SEPTIN14: variants seen among roughly 807,000 people sequenced by gnomAD.
SEPTIN14 encodes septin 14.
In SEPTIN14, 40 loss-of-function variants were observed where a neutral mutation model predicts 53.6. The observed-to-expected ratio is 0.75, with a 90% CI of 0.58 to 0.97. SEPTIN14 has a LOEUF of 0.97. Ranked by LOEUF, SEPTIN14 falls within the 50% of genes least tolerant of loss-of-function variation. The probability of loss-of-function intolerance (pLI) is 0.00; values close to 1 mark genes in which losing one functional copy is unlikely to be tolerated. For synonymous variants in SEPTIN14, 138 were observed against 166.8 expected, an observed-to-expected ratio of 0.83 and a Z score of 1.33; for missense variants, 471 against 508.2, an observed-to-expected ratio of 0.93 and a Z score of 0.70.
At chr7:55,845,906 G>A (rs949093675) in intron 3 of SEPTIN14, among the ~76,000 whole-genome samples, 14 of 150,014 alleles carry the variant, frequency 9.3e-5, no homozygotes, top group East Asian at 3.9e-4. Context: ...AAAATTAGCC[G>A]GGTGTATTGG....
At position 55,802,788 on chromosome 7, in the gene SEPTIN14, A is replaced by G. The variant is rs567882106; in HGVS notation, c.1119+2470T>C. Among the ~76,000 whole-genome samples, 333 of 152,292 alleles carry G rather than the reference A, an allele frequency of 2.2e-3. 2 individuals are homozygous for G. The highest frequency in any genetic ancestry group is 7.6e-3 in the African/African-American group (314 of 41,574). On this transcript the variant is annotated intron_variant, in intron 9 of 9. Transcript: ENST00000388975. ...AAAAAGCTCCTGCACAGCCAAAAAAAAAAATCAACAGACTAAAGAAACAAA... is the reference window on the plus strand; with the variant it reads ...AAAAAGCTCCTGCACAGCCAAAAAAGAAAATCAACAGACTAAAGAAACAAA...
chr7:55,805,940 T>C lies in SEPTIN14; in HGVS notation c.987-550A>G, dbSNP rs558059600. 1.8e-3 allele frequency among the ~76,000 whole-genome samples: 270 copies of C among 152,238 alleles called. 1 individual carries two copies. Among genetic ancestry groups the C allele is most frequent in the Non-Finnish European group, 3.0e-3 (206 of 68,004 alleles). Reference sequence around the variant, plus strand: ...AATTTTGGGTGTCTACAAAGAACAATGAATGATATAACTAGATTATATACA... The same window carrying C: ...AATTTTGGGTGTCTACAAAGAACAACGAATGATATAACTAGATTATATACA... On this transcript the variant is annotated intron_variant, in intron 8 of 9. Transcript: ENST00000388975.
At chr7:55,851,730 C>T (rs972876907) in intron 2 of SEPTIN14, among the ~76,000 whole-genome samples, 4 of 151,946 alleles carry the variant, frequency 2.6e-5, no homozygotes, top group East Asian at 1.9e-4. Context: ...AAAAATAGGC[C>T]GGGCGCGGTG....
At chr7:55,836,690 A>G (rs1366806565) in intron 5 of SEPTIN14, among the ~76,000 whole-genome samples, 1 of 152,170 alleles carries the variant, frequency 6.6e-6, no homozygotes, top group Non-Finnish European at 1.5e-5. Context: ...GTGAGCCGAG[A>G]TTGCGCCATT....
At chr7:55,821,367 C>A (rs1179154317) in intron 6 of SEPTIN14, among the ~76,000 whole-genome samples, 1 of 152,164 alleles carries the variant, frequency 6.6e-6, no homozygotes, top group African/African-American at 2.4e-5. Context: ...GGGTGGGTAA[C>A]CTGCCATTGT....
chr7:55,823,728 C>G (rs1359791953), intron 6 of SEPTIN14, among the ~76,000 whole-genome samples: 1 of 152,190 alleles, frequency 6.6e-6, no homozygotes, highest in Non-Finnish European at 1.5e-5. Flanking sequence ...ACAAAGCCCT[C>G]TTCAGCATAC....
chr7:55,858,106 G>A (rs1789677143), intron 2 of SEPTIN14, among the ~76,000 whole-genome samples: 1 of 152,216 alleles, frequency 6.6e-6, no homozygotes, highest in Non-Finnish European at 1.5e-5. Flanking sequence ...ATCTATGGGT[G>A]AAGAGCCAGG....
At chr7:55,816,639 A>C (rs1409911345) in intron 7 of SEPTIN14, among the ~76,000 whole-genome samples, 1 of 151,408 alleles carries the variant, frequency 6.6e-6, no homozygotes, top group African/African-American at 2.4e-5. Flanking sequence ...TCTACTAAAA[A>C]TACAAAAAAA....
At chr7:55,838,437 C>A (rs1193981847) in intron 5 of SEPTIN14, among the ~76,000 whole-genome samples, 1 of 151,962 alleles carries the variant, frequency 6.6e-6, no homozygotes, top group African/African-American at 2.4e-5. Context: ...CCCCCATTTT[C>A]CACAGTTTCT....
intron 5 of SEPTIN14, among the ~76,000 whole-genome samples, chr7:55,842,553 T>C (rs1475389537): frequency 1.3e-5 from 2 of 149,904 alleles, no homozygotes; most frequent in African/African-American, 4.9e-5. Flanking sequence ...CAGTGAGCTA[T>C]GATGACGCCA....
intron 5 of SEPTIN14, among the ~76,000 whole-genome samples, chr7:55,839,058 C>A (rs1222936705): frequency 6.6e-6 from 1 of 152,122 alleles, no homozygotes; most frequent in Non-Finnish European, 1.5e-5. Flanking sequence ...ATTGTATTAT[C>A]TCACATCATC....
At chr7:55,799,363 A>AG (rs1324207115) in intron 9 of SEPTIN14, among the ~76,000 whole-genome samples, 1 of 151,078 alleles carries the variant, frequency 6.6e-6, no homozygotes, top group East Asian at 1.9e-4. Context: ...AAAAAAAAAA[A>AG]AAAAATTAGC....
At chr7:55,811,315 C>A in intron 7 of SEPTIN14, 1 of 510,858 alleles carries the variant, frequency 2.0e-6, no homozygotes, top group East Asian at 5.3e-5. Flanking sequence ...ATTCGTATTT[C>A]CACTTTGCAG....
intron 6 of SEPTIN14, among the ~76,000 whole-genome samples, chr7:55,832,213 A>T (rs1789121108): frequency 7.3e-6 from 1 of 136,134 alleles, no homozygotes. Context: ...ACACACACAC[A>T]CACACACACA....
At chr7:55,853,870 T>A (rs1458693439) in intron 2 of SEPTIN14, among the ~76,000 whole-genome samples, 2 of 151,958 alleles carry the variant, frequency 1.3e-5, no homozygotes, top group Non-Finnish European at 2.9e-5. Context: ...ATCCCAGAAT[T>A]TTGGGAGGCT....
intron 6 of SEPTIN14, among the ~76,000 whole-genome samples, chr7:55,833,633 G>A (rs565225359): frequency 5.9e-5 from 9 of 151,886 alleles, no homozygotes; most frequent in South Asian, 4.2e-4. Context: ...ACTTGAAGCC[G>A]GGAGATAGAT....
intron 3 of SEPTIN14, 40 bp from the exon 4 acceptor site, chr7:55,844,758 G>A (rs760426255): frequency 8.0e-6 from 9 of 1,130,200 alleles, no homozygotes; most frequent in Middle Eastern, 3.0e-4. Flanking sequence ...GGACATAAAG[G>A]GGCTAAGAAA....
chr7:55,810,581 TCTC>T (rs1046184709), intron 7 of SEPTIN14, among the ~76,000 whole-genome samples: 76 of 151,396 alleles, frequency 5.0e-4, no homozygotes, highest in African/African-American at 1.8e-3. Context: ...TTTAAGCAAT[TCTC>T]CTGCCTCAGC....
Position 55,859,123 on chromosome 7 carries a change from C to T in SEPTIN14, c.54+2820G>A, listed in dbSNP as rs183633127. ...CAGAGATAGCGCCATTGCACTCCAGCCTGGTTAACAAGAGCGAAACTCCAT... is the reference window on the plus strand; with the variant it reads ...CAGAGATAGCGCCATTGCACTCCAGTCTGGTTAACAAGAGCGAAACTCCAT... On this transcript the variant is annotated intron_variant, in intron 2 of 9. Transcript: ENST00000388975. Among the ~76,000 whole-genome samples, 783 of 151,428 alleles carry T rather than the reference C, an allele frequency of 5.2e-3. 4 individuals are homozygous for T. The highest frequency in any genetic ancestry group is 0.012 in the African/African-American group (480 of 41,224).
Sources: allele counts gnomAD v4.1 joint callset (sites outside exome capture counted in the v4.1 genomes callset), GRCh38; gene constraint gnomAD v4.1.1; transcripts MANE v1.5; gene names NCBI Gene and HGNC (gene_info 2026-07-23, HGNC 2026-07-21).